DRG2: variants seen among roughly 807,000 people sequenced by gnomAD.
The protein encoded by DRG2 is developmentally-regulated GTP-binding protein 2.
DRG2 carries 36 observed loss-of-function variants against 53.4 expected under a neutral mutation model. The observed-to-expected ratio is 0.67, with a 90% confidence interval of 0.52 to 0.89. The LOEUF (loss-of-function observed/expected upper bound fraction) is 0.89, where lower values mean the gene tolerates loss of function less well. Among genes scored for constraint, DRG2 ranks in the 40% least tolerant of loss-of-function variants. DRG2 has a pLI of 0.00. For synonymous variants in DRG2, 167 were observed against 192.1 expected (o/e 0.87, Z 1.08); for missense variants, 342 against 481.2 (o/e 0.71, Z 2.71).
chr17:18,099,164 C>G lies in DRG2; in HGVS notation c.376+87C>G, dbSNP rs2045483045. ...GGGTGTGGCTGTCATGGAGATCACTCTGGATCCCTGGTCCATTATCCCGCT... is the reference window on the plus strand; with the variant it reads ...GGGTGTGGCTGTCATGGAGATCACTGTGGATCCCTGGTCCATTATCCCGCT... On this transcript the variant is annotated intron_variant, in intron 4 of 12. Transcript: ENST00000225729. The surrounding 1 kb of genome is among the most constrained non-coding windows in gnomAD (Gnocchi z 4.4). The G allele has an allele frequency of 6.5e-7, 1 of 1,536,528 alleles. No homozygotes were observed. The highest frequency in any genetic ancestry group is 9.0e-7 in the Non-Finnish European group (1 of 1,115,108).
In DRG2 at chr17:18,107,319, C is replaced by T; in HGVS notation, c.*79C>T. ...CCACTGGGACACACAAACACCCAAA[C>T]AGAAAAATACAAATACACGTACCCC... On this transcript the variant is annotated 3_prime_UTR_variant, in exon 13 of 13. Coordinates refer to ENST00000225729, the MANE Select transcript of DRG2 (RefSeq NM_001388.5). 7.2e-7 allele frequency: 1 copy of T among 1,382,376 alleles called. No homozygotes were observed. Among genetic ancestry groups the T allele is most frequent in the African/African-American group, 1.4e-5 (1 of 70,074 alleles). The allele number at this position is 1,382,376 out of a possible 1,614,324, so 85.6% of individuals were successfully genotyped here.
chr17:18,088,111 T>C (rs2045247831), intron 1 of DRG2, 24 bp downstream of exon 1: 10 of 1,536,444 alleles, frequency 6.5e-6, no homozygotes, highest in Admixed American at 2.1e-5. Flanking sequence ...GGGCGGGGCC[T>C]TCCTTTCTGC....
intron 1 of DRG2, among the ~76,000 whole-genome samples, chr17:18,089,340 A>G (rs1256318646): frequency 6.6e-6 from 1 of 152,040 alleles, no homozygotes; most frequent in Non-Finnish European, 1.5e-5. Context: ...GGGTTTTGCC[A>G]TGTCGTCCAG....
At chr17:18,097,200 C>G (rs1404939992) in intron 2 of DRG2, 1 of 152,198 alleles carries the variant, frequency 6.6e-6, no homozygotes, top group Non-Finnish European at 1.5e-5. Context: ...CGTGTCTATC[C>G]CTATACCTGT....
intron 12 of DRG2, 76 bp downstream of exon 12, chr17:18,106,562 C>T: frequency 6.6e-7 from 1 of 1,518,674 alleles, no homozygotes; most frequent in Non-Finnish European, 9.1e-7. Context: ...GCAAGGCATT[C>T]ACACTCTCTG....
intron 2 of DRG2, chr17:18,095,997 A>G (rs2142189304): frequency 6.6e-6 from 1 of 152,190 alleles, no homozygotes; most frequent in East Asian, 1.9e-4. Flanking sequence ...TTTAAGGAGT[A>G]CCATTCCCAT....
intron 1 of DRG2, among the ~76,000 whole-genome samples, chr17:18,090,372 A>ATATT (rs2045296738): frequency 1.1e-4 from 1 of 9,428 alleles, no homozygotes; most frequent in African/African-American, 5.1e-4. Context: ...GCTAATTTAT[A>ATATT]TATATATATA....
In DRG2 at chr17:18,098,143, A is replaced by C; in HGVS notation, c.226-127A>C. On this transcript the variant is annotated intron_variant, in intron 2 of 12. Coordinates refer to ENST00000225729, the MANE Select transcript of DRG2 (RefSeq NM_001388.5). The surrounding 1 kb of genome is among the most constrained non-coding windows in gnomAD (Gnocchi z 4.1). Reference sequence around the variant, plus strand: ...CTGGGAGGTCTCTTCACAGCCACCTAGGTCACCAAGCCGAGGGTGAGAGGG... The same window carrying C: ...CTGGGAGGTCTCTTCACAGCCACCTCGGTCACCAAGCCGAGGGTGAGAGGG... 1.4e-6 allele frequency: 1 copy of C among 709,314 alleles called. No individual in the cohort carries two copies. 43.9% of individuals were successfully genotyped at this position (709,314 alleles called of 1,614,324 possible).
chr17:18,096,207 G>C (rs563881421), intron 2 of DRG2: 12 of 152,272 alleles, frequency 7.9e-5, no homozygotes, highest in African/African-American at 2.9e-4. Context: ...TTTCTCCACC[G>C]TGGAGACGCT....
chr17:18,099,890 C>T lies in DRG2; in HGVS notation c.467+167C>T. The T allele has an allele frequency of 1.4e-6, 1 of 692,310 alleles. No homozygotes were observed. Among genetic ancestry groups the T allele is most frequent in the Non-Finnish European group, 2.5e-6 (1 of 405,542 alleles). The allele number at this position is 692,310 out of a possible 1,614,324, so 42.9% of individuals were successfully genotyped here. ...ACCACCCAGCCTATGGCGTCTTCTC[C>T]TCAAGGCTTGTGTCCAGCCAGCACA... On this transcript the variant is annotated intron_variant, in intron 5 of 12. Coordinates refer to ENST00000225729, the MANE Select transcript of DRG2 (RefSeq NM_001388.5). This position sits in a 1 kb window ranked among gnomAD's most constrained non-coding sequence, Gnocchi z 4.4.
Position 18,093,832 on chromosome 17 carries a change from C to G in DRG2, c.84C>G (p.Gly28=), listed in dbSNP as rs2230315. The G allele has an allele frequency of 4.8e-3, 7,763 of 1,614,112 alleles. 214 individuals are homozygous for G. In the East Asian group the frequency reaches 0.089, roughly 18 times the overall value. Residue 28 remains glycine, a synonymous_variant, in exon 2 of 13, where the codon GGC becomes GGG. Coordinates refer to ENST00000225729, the MANE Select transcript of DRG2 (RefSeq NM_001388.5). ...CTTTAGCCACTGAGTATCATCTGGG[C>G]CTGCTGAAAGCTAAGCTCGCCAAGT... ...QKNKATEYHL[G]LLKAKLAKYR...
chr17:18,093,791 T>C, intron 1 of DRG2, 22 bp from the exon 2 acceptor site: 1 of 1,609,916 alleles, frequency 6.2e-7, no homozygotes, highest in Non-Finnish European at 8.5e-7. Flanking sequence ...ACTCATCTTC[T>C]GTCTTGCTTT....
rs2045577891 is a variant in DRG2 at position 18,103,697 on chromosome 17, C to A, written c.807-104C>A. The A allele has an allele frequency of 1.9e-6, 2 of 1,056,610 alleles. No homozygotes were observed. The highest frequency in any genetic ancestry group is 2.9e-6 in the Non-Finnish European group (2 of 688,674). The allele number at this position is 1,056,610 out of a possible 1,614,324, so 65.5% of individuals were successfully genotyped here. ...TTGTTTCCCTGTGGGTACCAGCGGG[C>A]CACCTGGCCAGTGGAGGTTATCCGC... On this transcript the variant is annotated intron_variant, in intron 9 of 12. Transcript: ENST00000225729. The surrounding 1 kb of genome is among the most constrained non-coding windows in gnomAD (Gnocchi z 4.4).
At chr17:18,107,044 C>T (rs1232301135) in intron 12 of DRG2, 110 bp from the exon 13 acceptor site, 3 of 978,106 alleles carry the variant, frequency 3.1e-6, no homozygotes, top group Admixed American at 4.0e-5. Flanking sequence ...CTGAGGCCCC[C>T]ACCTTATGCC....
chr17:18,094,021 C>A lies in DRG2; in HGVS notation c.225+48C>A, dbSNP rs186843770. On this transcript the variant is annotated intron_variant, in intron 2 of 12. Transcript: ENST00000225729. ...CTCGGGGAGGAAAGCAAGAAGTCATCTTTCAAACAGGTGACCATCCAGGCT... is the reference window on the plus strand; with the variant it reads ...CTCGGGGAGGAAAGCAAGAAGTCATATTTCAAACAGGTGACCATCCAGGCT... 3.2e-6 allele frequency: 5 copies of A among 1,584,614 alleles called. No individual in the cohort carries two copies. In the Admixed American group the frequency reaches 8.7e-5, roughly 27 times the overall value.
rs991379837 is a variant in DRG2 at position 18,103,237 on chromosome 17, G to T, written c.807-564G>T. 6.6e-6 allele frequency among the ~76,000 whole-genome samples: 1 copy of T among 152,062 alleles called. No homozygotes were observed. Among genetic ancestry groups the T allele is most frequent in the African/African-American group, 2.4e-5 (1 of 41,374 alleles). ...TCAGGACACAGCTCGGGGTCACGGC[G>T]CAAACCTTCAAGCCACGGTCCACCC... On this transcript the variant is annotated intron_variant, in intron 9 of 12. Coordinates refer to ENST00000225729, the MANE Select transcript of DRG2 (RefSeq NM_001388.5). This position sits in a 1 kb window ranked among gnomAD's most constrained non-coding sequence, Gnocchi z 4.4.
rs192934632 is a variant in DRG2, at chr17:18,094,136, G to A, written c.225+163G>A. The A allele has an allele frequency of 1.4e-5, 13 of 912,570 alleles. No individual in the cohort carries two copies. In the East Asian group the frequency reaches 3.1e-4, roughly 22 times the overall value. The allele number at this position is 912,570 out of a possible 1,614,324, so 56.5% of individuals were successfully genotyped here. On this transcript the variant is annotated intron_variant, in intron 2 of 12. Coordinates refer to ENST00000225729, the MANE Select transcript of DRG2 (RefSeq NM_001388.5). ...CCCAGCCCTTTATCATCCTAACATG[G>A]AGGACGCTCTTTCCTCTTGCCAGCA...
intron 1 of DRG2, among the ~76,000 whole-genome samples, chr17:18,090,368 TTATATATATATATA>T (rs1242491729): frequency 0.01 from 255 of 25,468 alleles, 5 homozygotes; most frequent in African/African-American, 0.033. Flanking sequence ...CCGGGCTAAT[TTATATATATATATA>T]TATATATATA....
intron 10 of DRG2, 99 bp from the exon 11 acceptor site, chr17:18,104,524 G>A (rs1041267330): frequency 1.1e-5 from 17 of 1,581,994 alleles, no homozygotes; most frequent in African/African-American, 5.4e-5. Context: ...CAAGGAGACC[G>A]AAAGGGCCTC....
Sources: allele counts gnomAD v4.1 joint callset (sites outside exome capture counted in the v4.1 genomes callset), GRCh38; gene constraint gnomAD v4.1.1; non-coding constraint Gnocchi (gnomAD v3.1); transcripts MANE v1.5; gene names NCBI Gene and HGNC (gene_info 2026-07-23, HGNC 2026-07-21).